BTBD16: variants seen among roughly 807,000 people sequenced by gnomAD.
The protein encoded by BTBD16 is BTB/POZ domain-containing protein 16.
BTBD16 carries 66 observed loss-of-function variants against 67.4 expected under a neutral mutation model. The ratio of observed to expected loss-of-function variants is 0.98; its 90% CI spans 0.80 to 1.20. The LOEUF is 1.20. Among genes scored for constraint, BTBD16 ranks in the 50% most tolerant of loss-of-function variants. BTBD16 has a pLI of 0.00. For synonymous variants in BTBD16, 242 were observed against 236.4 expected, an observed-to-expected ratio of 1.02 and a Z score of -0.22; for missense variants, 634 against 616.0, an observed-to-expected ratio of 1.03 and a Z score of -0.31.
At chr10:122,276,493 C>T (rs2096340853) in intron 2 of BTBD16, among the ~76,000 whole-genome samples, 2 of 152,336 alleles carry the variant, frequency 1.3e-5, no homozygotes, top group South Asian at 2.1e-4. Context: ...CTATCCCTGC[C>T]TGTGGATTCT....
chr10:122,314,483 G>T (rs2096420301), intron 10 of BTBD16, among the ~76,000 whole-genome samples: 1 of 151,950 alleles, frequency 6.6e-6, no homozygotes, highest in Non-Finnish European at 1.5e-5. Context: ...CAGCCTAGAT[G>T]GCAAAGTGAG....
chr10:122,326,930 C>G (rs1359338627), intron 10 of BTBD16, among the ~76,000 whole-genome samples: 1 of 152,220 alleles, frequency 6.6e-6, no homozygotes, highest in African/African-American at 2.4e-5. Context: ...ACCAGTGTAG[C>G]CAAGCACTGT....
intron 10 of BTBD16, among the ~76,000 whole-genome samples, chr10:122,324,727 G>T (rs553558574): frequency 1.3e-5 from 2 of 152,266 alleles, no homozygotes; most frequent in African/African-American, 4.8e-5. Flanking sequence ...TGATGACTCT[G>T]CTCCCCTTTA....
chr10:122,305,619 C>A (rs1392691013), intron 9 of BTBD16, among the ~76,000 whole-genome samples: 2 of 152,182 alleles, frequency 1.3e-5, no homozygotes, highest in Non-Finnish European at 2.9e-5. Context: ...GCCCATGGAA[C>A]TGTGAGTCAA....
rs771192431 is a variant in BTBD16, at chr10:122,329,553, C to T, written c.985C>T (p.Leu329=). Residue 329 remains leucine (L), a synonymous_variant, in exon 11 of 16, where the codon CTG becomes TTG. Transcript: ENST00000260723. ...SLRPLFLCLR[L]HGITKGKDLE... ...GAGGCCGCTCTTCCTCTGCTTGCGT[C>T]TGCACGGCATCACCAAAGGTAAGCC... 1.4e-5 allele frequency: 23 copies of T among 1,613,822 alleles called. No individual in the cohort carries two copies. The South Asian group carries it at 2.5e-4, about 18-fold the overall frequency.
At chr10:122,305,658 A>G (rs1343757987) in intron 9 of BTBD16, among the ~76,000 whole-genome samples, 2 of 152,208 alleles carry the variant, frequency 1.3e-5, no homozygotes, top group Non-Finnish European at 2.9e-5. Flanking sequence ...CAAATTACCC[A>G]GTCTCAGATA....
rs2096386126 is a variant in BTBD16, at chr10:122,297,785, T to C, written c.608T>C (p.Ile203Thr). ...GLFQRCVDVM[I>T]ARLKPSTIKK... ...CTCTCCAGGTGCGTGGATGTGATGA[T>C]AGCCAGACTCAAGCCAAGCACCATC... The change falls in exon 8 of 16, where the codon ATA becomes ACA. Residue 203 changes from isoleucine to threonine, a missense_variant. Ile to Thr is a moderately conservative substitution (Grantham distance 89). Coordinates refer to ENST00000260723, the MANE Select transcript of BTBD16 (RefSeq NM_144587.5). 1 of 1,614,156 alleles carries C rather than the reference T, an allele frequency of 6.2e-7. No homozygotes were observed. Among genetic ancestry groups the C allele is most frequent in the African/African-American group, 1.3e-5 (1 of 75,044 alleles).
intron 5 of BTBD16, among the ~76,000 whole-genome samples, chr10:122,288,704 G>A (rs2096368324): frequency 6.6e-6 from 1 of 152,134 alleles, no homozygotes; most frequent in Non-Finnish European, 1.5e-5. Flanking sequence ...CTCTGAAGAA[G>A]AATAAAATCA....
In BTBD16 at chr10:122,334,859, TTG is replaced by T. The variant is rs756514469; in HGVS notation, c.1165-20_1165-19del. The T allele has an allele frequency of 6.0e-5, 86 of 1,425,360 alleles. No individual in the cohort carries two copies. The highest frequency in any genetic ancestry group is 8.1e-5 in the Non-Finnish European group (82 of 1,012,106). 88.3% of individuals were successfully genotyped at this position (1,425,360 alleles called of 1,614,324 possible). On this transcript the variant is annotated intron_variant, in intron 13 of 15. Coordinates refer to ENST00000260723, the MANE Select transcript of BTBD16 (RefSeq NM_144587.5). ...TAAATATTTTCCCCCCTTCACTTTG[TTG>T]TTTCTCTTTCCCAATTTAGGAGAAT...
At chr10:122,301,549 T>C (rs944468362) in intron 9 of BTBD16, among the ~76,000 whole-genome samples, 1 of 152,092 alleles carries the variant, frequency 6.6e-6, no homozygotes, top group African/African-American at 2.4e-5. Flanking sequence ...TCTGCCCACA[T>C]CTTCTGAGGT....
intron 8 of BTBD16, 127 bp downstream of exon 8, chr10:122,297,964 A>T: frequency 1.3e-6 from 1 of 777,946 alleles, no homozygotes. Context: ...CAAATATTTT[A>T]TTTTGCCACA....
In BTBD16 at chr10:122,299,094, A is replaced by C; in HGVS notation, c.751A>C (p.Ile251Leu). ...GGGGACGCAGATCCACCTCCACAAA[A>C]TCCCACAGGACCTGCTCCACAAAGT... is the stretch of plus-strand genomic sequence containing the variant. ...LGGTQIHLHK[I>L]PQDLLHKVLK... Residue 251 changes from isoleucine (I) to leucine (L), a missense_variant, in exon 9 of 16, where the codon ATC (isoleucine) becomes CTC (leucine). Ile to Leu is a conservative substitution (Grantham distance 5). Coordinates refer to ENST00000260723, the MANE Select transcript of BTBD16 (RefSeq NM_144587.5). 6.2e-7 allele frequency: 1 copy of C among 1,613,904 alleles called. No homozygotes were observed. The highest frequency in any genetic ancestry group is 8.5e-7 in the Non-Finnish European group (1 of 1,179,950).
chr10:122,328,605 A>G (rs1033077902), intron 10 of BTBD16: 19 of 252,300 alleles, frequency 7.5e-5, no homozygotes, highest in Non-Finnish European at 1.1e-4. Flanking sequence ...CTTGGACACC[A>G]CTCTTGATTT....
chr10:122,284,735 A>T (rs573640436), intron 4 of BTBD16, among the ~76,000 whole-genome samples: 1 of 147,682 alleles, frequency 6.8e-6, no homozygotes, highest in Non-Finnish European at 1.5e-5. Flanking sequence ...GCCTGAGATC[A>T]GAGCCAGACT....
chr10:122,312,560 C>G (rs532095371), intron 10 of BTBD16, among the ~76,000 whole-genome samples: 7 of 152,046 alleles, frequency 4.6e-5, no homozygotes, highest in Admixed American at 3.3e-4. Flanking sequence ...GTGATCCACC[C>G]GCCTTGGTCT....
At chr10:122,288,866 T>A (rs540461224) in intron 5 of BTBD16, among the ~76,000 whole-genome samples, 1 of 151,810 alleles carries the variant, frequency 6.6e-6, no homozygotes, top group Non-Finnish European at 1.5e-5. Context: ...GGTGGGGGCA[T>A]GATGGGCAGA....
intron 9 of BTBD16, among the ~76,000 whole-genome samples, chr10:122,299,509 G>A (rs1273705160): frequency 2.6e-5 from 4 of 151,810 alleles, no homozygotes; most frequent in Non-Finnish European, 4.4e-5. Flanking sequence ...TCCGGCGCTG[G>A]CACCTCTGCT....
chr10:122,299,290 G>A (rs1037679241), intron 9 of BTBD16, among the ~76,000 whole-genome samples, 156 bp downstream of exon 9: 4 of 152,114 alleles, frequency 2.6e-5, no homozygotes, highest in African/African-American at 9.7e-5. Context: ...GGAACTCAGG[G>A]TGCTGTGTGT....
At chr10:122,286,658 T>G (rs1480431526) in intron 5 of BTBD16, among the ~76,000 whole-genome samples, 1 of 152,214 alleles carries the variant, frequency 6.6e-6, no homozygotes, top group Admixed American at 6.5e-5. Flanking sequence ...AATTCTGATA[T>G]CTGTGGCTTG....
Sources: allele counts gnomAD v4.1 joint callset (sites outside exome capture counted in the v4.1 genomes callset), GRCh38; gene constraint gnomAD v4.1.1; transcripts MANE v1.5; gene names NCBI Gene and HGNC (gene_info 2026-07-23, HGNC 2026-07-21).